MARCHF11: variants seen among roughly 807,000 people sequenced by gnomAD.
MARCHF11 encodes the protein E3 ubiquitin-protein ligase MARCHF11.
A neutral mutation model predicts 37.3 loss-of-function variants in MARCHF11; 29 were observed. That is an observed-to-expected ratio of 0.78 (90% CI 0.58 to 1.06). The LOEUF (loss-of-function observed/expected upper bound fraction) is 1.06. MARCHF11 is among the 50% of genes least tolerant of loss of function. MARCHF11 has a pLI of 0.00. For missense variants in MARCHF11, 482 were observed against 533.4 expected (o/e 0.90, Z 0.95); for synonymous variants, 233 against 228.0 (o/e 1.02, Z -0.20).
At chr5:16,131,843 T>C (rs1202704390) in intron 2 of MARCHF11, among the ~76,000 whole-genome samples, 1 of 152,248 alleles carries the variant, frequency 6.6e-6, no homozygotes, top group Non-Finnish European at 1.5e-5. Flanking sequence ...GTTCTAACTT[T>C]TGCTGGTGTC....
In MARCHF11 at chr5:16,070,847, G is replaced by C. The variant is rs575233433; in HGVS notation, c.887-3054C>G. On this transcript the variant is annotated intron_variant, in intron 3 of 3. Coordinates refer to ENST00000332432, the MANE Select transcript of MARCHF11 (RefSeq NM_001102562.3). ...GTTTAGATTTTGTTTTATTCCCCAA[G>C]AGCATTCAGAATTAGTCCTTGGCCT... Among the ~76,000 whole-genome samples the C allele has an allele frequency of 1.4e-3, 214 of 152,254 alleles. 1 individual carries two copies. Among genetic ancestry groups the C allele is most frequent in the Non-Finnish European group, 1.5e-3 (102 of 68,024 alleles).
chr5:16,092,267 T>C (rs989037778), intron 2 of MARCHF11, among the ~76,000 whole-genome samples: 1 of 152,238 alleles, frequency 6.6e-6, no homozygotes. Flanking sequence ...TAAGTATGTA[T>C]GTGACCTTGC....
intron 2 of MARCHF11, among the ~76,000 whole-genome samples, chr5:16,174,358 T>C (rs1215579284): frequency 6.6e-6 from 1 of 152,214 alleles, no homozygotes; most frequent in Non-Finnish European, 1.5e-5. Flanking sequence ...GATACGGCAA[T>C]TAAGGTTTAA....
chr5:16,176,855 C>T (rs1365849004), intron 2 of MARCHF11, among the ~76,000 whole-genome samples: 1 of 151,980 alleles, frequency 6.6e-6, no homozygotes, highest in East Asian at 1.9e-4. Flanking sequence ...CTTTTTATTT[C>T]TATTACTCCT....
intron 2 of MARCHF11, among the ~76,000 whole-genome samples, chr5:16,168,917 A>T (rs1046338799): frequency 6.6e-6 from 1 of 152,136 alleles, no homozygotes; most frequent in Non-Finnish European, 1.5e-5. Context: ...TACAAATATA[A>T]CATAGGAAAC....
chr5:16,085,576 A>G (rs368336951), intron 3 of MARCHF11, among the ~76,000 whole-genome samples: 84 of 92,790 alleles, frequency 9.1e-4, no homozygotes, highest in African/African-American at 3.4e-3. Flanking sequence ...CCTCATATGT[A>G]TCGGTGGGTG....
chr5:16,157,313 T>C (rs1579417657), intron 2 of MARCHF11, among the ~76,000 whole-genome samples: 1 of 152,022 alleles, frequency 6.6e-6, no homozygotes, highest in Non-Finnish European at 1.5e-5. Context: ...AAAAGTCCAA[T>C]GTCATTCTTC....
At chr5:16,087,052 C>A (rs970439237) in intron 3 of MARCHF11, among the ~76,000 whole-genome samples, 1 of 152,190 alleles carries the variant, frequency 6.6e-6, no homozygotes, top group Non-Finnish European at 1.5e-5. Context: ...TAGCTTAAAT[C>A]CTAAAGTGAC....
chr5:16,109,382 G>A (rs978655214), intron 2 of MARCHF11, among the ~76,000 whole-genome samples: 5 of 152,142 alleles, frequency 3.3e-5, no homozygotes, highest in African/African-American at 1.2e-4. Context: ...GACCAATGAT[G>A]TAATCAATCA....
intron 2 of MARCHF11, among the ~76,000 whole-genome samples, chr5:16,091,746 A>C (rs1736793856): frequency 6.6e-6 from 1 of 152,218 alleles, no homozygotes; most frequent in Admixed American, 6.5e-5. Context: ...TGAAACTCAC[A>C]ACCATTTTCA....
intron 2 of MARCHF11, among the ~76,000 whole-genome samples, chr5:16,127,677 T>A: frequency 6.6e-6 from 1 of 152,210 alleles, no homozygotes; most frequent in East Asian, 1.9e-4. Flanking sequence ...GTGAGGCATC[T>A]GCTTTGAAGA....
intron 2 of MARCHF11, among the ~76,000 whole-genome samples, chr5:16,149,971 T>C (rs1205255658): frequency 2.9e-5 from 4 of 137,038 alleles, no homozygotes; most frequent in African/African-American, 1.4e-4. Context: ...TTATACAAAG[T>C]CCATAAACAG....
chr5:16,151,620 C>CTGTG (rs148381429), intron 2 of MARCHF11, among the ~76,000 whole-genome samples: 6 of 111,908 alleles, frequency 5.4e-5, no homozygotes, highest in African/African-American at 2.0e-4. Flanking sequence ...AGGAGCATGT[C>CTGTG]TGTGTGTGTG....
chr5:16,163,019 C>CT (rs1215153133), intron 2 of MARCHF11, among the ~76,000 whole-genome samples: 9 of 152,026 alleles, frequency 5.9e-5, no homozygotes, highest in Non-Finnish European at 1.2e-4. Flanking sequence ...AAAGTCCATG[C>CT]TTTTTTTATT....
chr5:16,067,679 C>T lies in MARCHF11; in HGVS notation c.1001G>A (p.Ser334Asn). ...YDKATDIEES[S>N]RGESSTSRTL... ...CCTACTTGTGGAAGACTCTCCCCGG[C>T]TGCTTTCTTCGATGTCTGTGGCTTT... Residue 334 changes from serine to asparagine, a missense_variant, in exon 4 of 4, where the codon AGC (serine) becomes AAC (asparagine). Physicochemically the swap from Ser to Asn is conservative, Grantham distance 46. Transcript: ENST00000332432. The T allele has an allele frequency of 1.2e-6, 2 of 1,613,992 alleles. No individual in the cohort carries two copies.
chr5:16,103,313 G>A (rs1736990208), intron 2 of MARCHF11, among the ~76,000 whole-genome samples: 1 of 152,152 alleles, frequency 6.6e-6, no homozygotes, highest in Admixed American at 6.5e-5. Context: ...GACCTGGAGA[G>A]GTGAAGGACA....
Position 16,127,791 on chromosome 5 carries a change from G to A in MARCHF11, c.694-36710C>T, listed in dbSNP as rs572542905. Among the ~76,000 whole-genome samples the A allele has an allele frequency of 1.4e-3, 209 of 152,270 alleles. No individual in the cohort carries two copies. The Middle Eastern group carries it at 0.017, about 12-fold the overall frequency. On this transcript the variant is annotated intron_variant, in intron 2 of 3. Coordinates refer to ENST00000332432, the MANE Select transcript of MARCHF11 (RefSeq NM_001102562.3). Reference sequence around the variant, plus strand: ...ACTCTTGATTAGGCCTCCAGACCTCGTCTGTCTTTCTCTGCTTTGTTCTCA... The same window carrying A: ...ACTCTTGATTAGGCCTCCAGACCTCATCTGTCTTTCTCTGCTTTGTTCTCA...
rs146068644 is a variant in MARCHF11, at chr5:16,135,958, GA to G, written c.693+41767del. On this transcript the variant is annotated intron_variant, in intron 2 of 3. Transcript: ENST00000332432. The stretch of plus-strand genomic sequence containing the variant: ...AAGGAGAAGGAAGCACAGAGGGCGA[GA>G]AAGAGCAAAATGATGTGGGAAGATC... Among the ~76,000 whole-genome samples the G allele has an allele frequency of 1.5e-3, 221 of 151,482 alleles. 3 individuals carry two copies. In the East Asian group the frequency reaches 0.033, roughly 23 times the overall value.
At chr5:16,080,780 C>A (rs1251854764) in intron 3 of MARCHF11, among the ~76,000 whole-genome samples, 1 of 152,092 alleles carries the variant, frequency 6.6e-6, no homozygotes, top group East Asian at 1.9e-4. Flanking sequence ...TAATCAATTG[C>A]CTGGGTTATT....
Sources: allele counts gnomAD v4.1 joint callset (sites outside exome capture counted in the v4.1 genomes callset), GRCh38; gene constraint gnomAD v4.1.1; transcripts MANE v1.5; gene names NCBI Gene and HGNC (gene_info 2026-07-23, HGNC 2026-07-21).